The following GPR63 variants were observed in gnomAD, a reference collection of about 807,000 sequenced individuals.
GPR63 encodes G protein-coupled receptor 63, also known as probable G protein-coupled receptor 63.
GPR63 carries 12 observed loss-of-function variants against 23.1 expected under a neutral mutation model. The observed-to-expected ratio is 0.52, with a 90% CI of 0.33 to 0.84. The LOEUF is 0.84. GPR63 is among the 40% of genes least tolerant of loss of function. The pLI is 0.02. For synonymous variants in GPR63, 172 were observed against 191.1 expected (o/e 0.90, Z 0.82); for missense variants, 472 against 515.6 (o/e 0.92, Z 0.82).
intron 1 of GPR63, among the ~76,000 whole-genome samples, chr6:96,816,060 A>G (rs571973338): frequency 7.3e-4 from 111 of 152,330 alleles, no homozygotes; most frequent in South Asian, 3.3e-3. Context: ...ATTCTGGTCT[A>G]TTAATATAAT....
chr6:96,812,130 ACAT>A (rs1484598356), intron 1 of GPR63, among the ~76,000 whole-genome samples: 1 of 152,074 alleles, frequency 6.6e-6, no homozygotes, highest in African/African-American at 2.4e-5. Context: ...TATATAGGGC[ACAT>A]CATCATGGCA....
Position 96,797,601 on chromosome 6 carries a change from C to T in GPR63, c.*871G>A, listed in dbSNP as rs181049405. ...GGATAAAATGATGCACAGTGCCTGA[C>T]ACATAGGTGTCCATAAATATCAACC... On this transcript the variant is annotated 3_prime_UTR_variant, in exon 2 of 2. Transcript: ENST00000229955. The T allele has an allele frequency of 2.0e-5, 3 of 152,300 alleles. No homozygotes were observed. Among genetic ancestry groups the T allele is most frequent in the African/African-American group, 7.2e-5 (3 of 41,552 alleles). 9.4% of individuals were successfully genotyped at this position (152,300 alleles called of 1,614,324 possible). A position where few individuals can be genotyped will look rare whatever the true frequency, so the allele number is the denominator to read the frequency against.
At chr6:96,817,387 G>A (rs965809527) in intron 1 of GPR63, among the ~76,000 whole-genome samples, 1 of 152,146 alleles carries the variant, frequency 6.6e-6, no homozygotes, top group African/African-American at 2.4e-5. Flanking sequence ...TGACCAGGAT[G>A]TGGTACACAT....
intron 1 of GPR63, among the ~76,000 whole-genome samples, chr6:96,810,384 T>C (rs1489052298): frequency 6.6e-6 from 1 of 151,622 alleles, no homozygotes; most frequent in Non-Finnish European, 1.5e-5. Flanking sequence ...TAATCCCAGC[T>C]ACTCAGTAGC....
intron 1 of GPR63, among the ~76,000 whole-genome samples, chr6:96,801,381 T>C (rs1773761708): frequency 6.6e-6 from 1 of 152,124 alleles, no homozygotes; most frequent in Non-Finnish European, 1.5e-5. Context: ...GTATTTTTAG[T>C]AGAGACGGGG....
At chr6:96,809,520 C>T (rs1016562744) in intron 1 of GPR63, among the ~76,000 whole-genome samples, 6 of 151,916 alleles carry the variant, frequency 3.9e-5, no homozygotes, top group Non-Finnish European at 8.8e-5. Context: ...GATATAGATA[C>T]CATGTGTATA....
chr6:96,836,230 G>A (rs1774725033), intron 1 of GPR63, among the ~76,000 whole-genome samples: 1 of 152,100 alleles, frequency 6.6e-6, no homozygotes, highest in Non-Finnish European at 1.5e-5. Flanking sequence ...GTACTTTTAT[G>A]TTAGGTTTCA....
At chr6:96,822,986 T>A (rs919930862) in intron 1 of GPR63, among the ~76,000 whole-genome samples, 1 of 152,194 alleles carries the variant, frequency 6.6e-6, no homozygotes, top group Admixed American at 6.6e-5. Context: ...TCCTATCACC[T>A]AATGACATCG....
At chr6:96,807,351 TG>T (rs1325496253) in intron 1 of GPR63, among the ~76,000 whole-genome samples, 1 of 152,244 alleles carries the variant, frequency 6.6e-6, no homozygotes, top group Non-Finnish European at 1.5e-5. Flanking sequence ...GGATACTCAC[TG>T]TGGCAACACA....
intron 1 of GPR63, among the ~76,000 whole-genome samples, chr6:96,818,331 TTCGTG>T (rs1774215372): frequency 6.6e-6 from 1 of 151,980 alleles, no homozygotes; most frequent in Admixed American, 6.6e-5. Flanking sequence ...AGTGTGGTAG[TTCGTG>T]TCTGTAATCC....
At chr6:96,803,768 T>TA (rs1166095220) in intron 1 of GPR63, among the ~76,000 whole-genome samples, 6 of 152,214 alleles carry the variant, frequency 3.9e-5, no homozygotes, top group Admixed American at 3.3e-4. Flanking sequence ...GTTTCACACT[T>TA]ACAATTTGTA....
rs749377772 is a variant in GPR63 at position 96,799,478 on chromosome 6, G to C, written c.254C>G (p.Ser85Cys). ...SLNLPLQITLSAIMIFILFVS... is the reference protein window; with the variant it reads ...SLNLPLQITLCAIMIFILFVS... ...AAACAGAATGAATATCATTATAGCA[G>C]AAAGGGTGATCTGAAGAGGCAAGTT... is the stretch of plus-strand genomic sequence containing the variant. The change falls in exon 2 of 2, where the codon TCT becomes TGT. Residue 85 changes from serine (S) to cysteine (C), a missense_variant. Transcript: ENST00000229955. 1.9e-6 allele frequency: 3 copies of C among 1,614,150 alleles called. No homozygotes were observed. The highest frequency in any genetic ancestry group is 2.5e-6 in the Non-Finnish European group (3 of 1,180,040).
At chr6:96,809,244 T>C (rs1242471163) in intron 1 of GPR63, among the ~76,000 whole-genome samples, 5 of 152,262 alleles carry the variant, frequency 3.3e-5, no homozygotes, top group Non-Finnish European at 7.4e-5. Context: ...TCTAGGAGAA[T>C]CCTGCTATCT....
At chr6:96,813,317 C>T (rs902708603) in intron 1 of GPR63, among the ~76,000 whole-genome samples, 6 of 152,090 alleles carry the variant, frequency 3.9e-5, no homozygotes, top group Admixed American at 3.3e-4. Flanking sequence ...CACAGGTATC[C>T]TTGGATATAT....
intron 1 of GPR63, among the ~76,000 whole-genome samples, chr6:96,802,695 A>G (rs1337811078): frequency 7.1e-6 from 1 of 141,404 alleles, no homozygotes; most frequent in Non-Finnish European, 1.5e-5. Context: ...ACCTGCCACC[A>G]TGCCCAGCTA....
At chr6:96,800,772 T>C (rs1376054216) in intron 1 of GPR63, among the ~76,000 whole-genome samples, 1 of 152,186 alleles carries the variant, frequency 6.6e-6, no homozygotes, top group East Asian at 1.9e-4. Flanking sequence ...ACCAATCTTA[T>C]TTTGTGTTAG....
intron 1 of GPR63, among the ~76,000 whole-genome samples, chr6:96,820,345 A>T (rs1774283080): frequency 6.6e-6 from 1 of 152,200 alleles, no homozygotes; most frequent in Non-Finnish European, 1.5e-5. Flanking sequence ...ATTGTTAAGT[A>T]AGTGTTACTA....
At chr6:96,818,669 T>C (rs907224589) in intron 1 of GPR63, among the ~76,000 whole-genome samples, 3 of 152,220 alleles carry the variant, frequency 2.0e-5, no homozygotes, top group Non-Finnish European at 2.9e-5. Flanking sequence ...GTTCCCACTA[T>C]GTTTTGAAAT....
At chr6:96,831,584 C>T (rs1774581497) in intron 1 of GPR63, among the ~76,000 whole-genome samples, 2 of 151,962 alleles carry the variant, frequency 1.3e-5, no homozygotes, top group Non-Finnish European at 2.9e-5. Flanking sequence ...AGGGTTTTAC[C>T]CAAAGGGAAT....
Sources: gnomAD v4.1 joint callset for allele counts (sites outside exome capture counted in the v4.1 genomes callset) on GRCh38, gnomAD v4.1.1 for gene constraint, MANE v1.5 for transcripts, NCBI Gene and HGNC (gene_info 2026-07-23, HGNC 2026-07-21) for gene names.